EYS: variants seen among roughly 807,000 people sequenced by gnomAD.
The protein encoded by EYS is EGF-like photoreceptor maintenance factor, also known as protein eyes shut homolog.
EYS carries 250 observed loss-of-function variants against 282.1 expected under a neutral mutation model. The ratio of observed to expected loss-of-function variants is 0.89; its 90% CI spans 0.80 to 0.98. The LOEUF is 0.98. EYS is among the 50% of genes least tolerant of loss of function. EYS has a pLI of 0.00. For synonymous variants in EYS, 1,355 were observed against 1,282.9 expected (o/e 1.06, Z -1.20); for missense variants, 4,016 against 3,709.0 (o/e 1.08, Z -2.15).
At chr6:64,849,773 C>A (rs537589962) in intron 19 of EYS, among the ~76,000 whole-genome samples, 1 of 151,910 alleles carries the variant, frequency 6.6e-6, no homozygotes, top group South Asian at 2.1e-4. Flanking sequence ...CTAGAGGCAA[C>A]CTGTGTACCT....
At chr6:64,384,833 C>A (rs587146) in intron 29 of EYS, among the ~76,000 whole-genome samples, 110,002 of 152,052 alleles carry the variant, frequency 0.72, 39,922 homozygotes, top group African/African-American at 0.8. Flanking sequence ...CTTCTCACAT[C>A]CTGAGCTCTG....
At chr6:64,462,716 T>TCTAGTGTC (rs1400776252) in intron 26 of EYS, among the ~76,000 whole-genome samples, 1 of 152,086 alleles carries the variant, frequency 6.6e-6, no homozygotes, top group Non-Finnish European at 1.5e-5. Flanking sequence ...TTTTGTCTTT[T>TCTAGTGTC]TTCTCCTCCT....
chr6:65,405,242 C>T lies in EYS; in HGVS notation c.988G>A (p.Glu330Lys), dbSNP rs144803840. The change falls in exon 6 of 43, where the codon GAA (glutamate) becomes AAA (lysine). Residue 330 changes from glutamate (E) to lysine (K), a missense_variant. Physicochemically the swap from Glu to Lys is moderately conservative, Grantham distance 56 (BLOSUM62 1). Coordinates refer to ENST00000503581, the MANE Select transcript of EYS (RefSeq NM_001142800.2). ...CPKGSSSQNGETDVSEFSLVP... is the reference protein window; with the variant it reads ...CPKGSSSQNGKTDVSEFSLVP... ...AATGAAAACTCACTGACATCAGTTT[C>T]ACCATTTTGGCTGGAAGATCCTTTT... 3.9e-4 allele frequency: 626 copies of T among 1,613,308 alleles called. 2 individuals carry two copies. In the African/African-American group the frequency reaches 7.2e-3, roughly 18 times the overall value.
At chr6:64,273,453 C>A (rs1269131395) in intron 30 of EYS, among the ~76,000 whole-genome samples, 1 of 151,522 alleles carries the variant, frequency 6.6e-6, no homozygotes, top group Non-Finnish European at 1.5e-5. Context: ...TTCTAAAATT[C>A]TTTTTAACTA....
At chr6:64,540,476 T>C (rs1208772966) in intron 26 of EYS, among the ~76,000 whole-genome samples, 3 of 15,334 alleles carry the variant, frequency 2.0e-4, no homozygotes, top group African/African-American at 5.8e-4. Context: ...CAAGTACAGA[T>C]TTTTTTTTTT....
intron 5 of EYS, among the ~76,000 whole-genome samples, chr6:65,444,856 C>A (rs1768592027): frequency 6.6e-6 from 1 of 152,098 alleles, no homozygotes; most frequent in South Asian, 2.1e-4. Context: ...ATGCTAGAAG[C>A]AGGACCAATA....
intron 35 of EYS, among the ~76,000 whole-genome samples, chr6:63,959,153 C>T (rs148575229): frequency 2.1e-4 from 32 of 152,034 alleles, no homozygotes; most frequent in African/African-American, 7.7e-4. Context: ...TCTAAAAGGA[C>T]CTTAAACAAA....
chr6:63,761,172 T>C (rs1769632596), intron 41 of EYS, among the ~76,000 whole-genome samples: 1 of 151,752 alleles, frequency 6.6e-6, no homozygotes, highest in African/African-American at 2.4e-5. Context: ...GGTGAAGTGA[T>C]AGCACCTGGT....
chr6:64,746,545 C>T (rs1328940784), intron 22 of EYS, among the ~76,000 whole-genome samples: 5 of 152,052 alleles, frequency 3.3e-5, no homozygotes, highest in Admixed American at 2.6e-4. Flanking sequence ...CAATATAACA[C>T]TACAGTAACA....
At chr6:64,839,703 CT>C (rs886901886) in intron 19 of EYS, among the ~76,000 whole-genome samples, 5 of 151,968 alleles carry the variant, frequency 3.3e-5, no homozygotes, top group African/African-American at 7.2e-5. Flanking sequence ...GATCAAGGTG[CT>C]GACAGGTTTG....
At chr6:65,354,521 A>G (rs931084753) in intron 8 of EYS, among the ~76,000 whole-genome samples, 3 of 134,898 alleles carry the variant, frequency 2.2e-5, no homozygotes, top group South Asian at 2.1e-4. Context: ...AAATGTGAGG[A>G]AAAAAAAAAA....
intron 21 of EYS, 130 bp from the exon 22 acceptor site, chr6:64,813,707 T>C (rs1764666564): frequency 1.9e-6 from 1 of 534,204 alleles, no homozygotes; most frequent in Non-Finnish European, 3.0e-6. Context: ...CCTTCCTCTG[T>C]TAATTGAAAT....
At chr6:64,666,873 C>A (rs777172507) in intron 22 of EYS, among the ~76,000 whole-genome samples, 17 of 152,112 alleles carry the variant, frequency 1.1e-4, no homozygotes, top group African/African-American at 4.1e-4. Context: ...CCTCATCAGT[C>A]GACTCCTTTG....
intron 30 of EYS, among the ~76,000 whole-genome samples, chr6:64,255,266 T>C (rs2180036): frequency 0.69 from 104,390 of 151,746 alleles, 35,926 homozygotes; most frequent in South Asian, 0.71. Context: ...AACTTAAACA[T>C]CCAGGGGAAG....
intron 40 of EYS, among the ~76,000 whole-genome samples, chr6:63,769,719 T>A (rs2149660115): frequency 6.6e-6 from 1 of 152,222 alleles, no homozygotes; most frequent in South Asian, 2.1e-4. Context: ...AATTCCTAAA[T>A]TGCAGATAAA....
intron 2 of EYS, among the ~76,000 whole-genome samples, chr6:65,545,316 T>C (rs2127325490): frequency 6.6e-6 from 1 of 152,106 alleles, no homozygotes; most frequent in Non-Finnish European, 1.5e-5. Flanking sequence ...ATATGACTGG[T>C]TGTGAATAGG....
intron 22 of EYS, among the ~76,000 whole-genome samples, chr6:64,706,270 G>A (rs1387731931): frequency 1.3e-5 from 2 of 152,124 alleles, no homozygotes; most frequent in African/African-American, 2.4e-5. Context: ...CAAGCCACAC[G>A]TAGATGCGTG....
intron 1 of EYS, among the ~76,000 whole-genome samples, chr6:65,662,171 A>T (rs1768030924): frequency 6.6e-6 from 1 of 152,186 alleles, no homozygotes; most frequent in Non-Finnish European, 1.5e-5. Flanking sequence ...GCAACCTATC[A>T]TACATATCTA....
At chr6:64,826,393 T>C (rs931665362) in intron 19 of EYS, among the ~76,000 whole-genome samples, 2 of 151,890 alleles carry the variant, frequency 1.3e-5, no homozygotes, top group African/African-American at 4.8e-5. Context: ...TAAAGTTTTT[T>C]ATTTCATTCA....
Sources: allele counts gnomAD v4.1 joint callset (sites outside exome capture counted in the v4.1 genomes callset), GRCh38; gene constraint gnomAD v4.1.1; transcripts MANE v1.5; gene names NCBI Gene and HGNC (gene_info 2026-07-23, HGNC 2026-07-21).